Variants in SHANK2 observed in about 807,000 individuals in gnomAD.
SHANK2 encodes the protein SH3 and multiple ankyrin repeat domains 2, also known as SH3 and multiple ankyrin repeat domains protein 2.
SHANK2 carries 43 observed loss-of-function variants against 133.7 expected under a neutral mutation model. That is an observed-to-expected ratio of 0.32 (90% confidence interval 0.25 to 0.41). SHANK2 has a LOEUF of 0.41. Ranked by LOEUF, SHANK2 falls within the 10% of genes least tolerant of loss-of-function variation. The pLI, the probability that SHANK2 is intolerant of heterozygous loss-of-function variation, is 1.00. For missense variants in SHANK2, 1,994 were observed against 2,235.8 expected (o/e 0.89, Z 2.18); for synonymous variants, 1,017 against 952.8 (o/e 1.07, Z -1.24).
At chr11:71,232,963 G>A (rs1211519212) in intron 1 of SHANK2, among the ~76,000 whole-genome samples, 1 of 152,056 alleles carries the variant, frequency 6.6e-6, no homozygotes, top group Non-Finnish European at 1.5e-5. Context: ...TTCAATGAGA[G>A]GCAGCAATTT....
intron 10 of SHANK2, among the ~76,000 whole-genome samples, chr11:70,909,852 G>A (rs1448285978): frequency 6.6e-6 from 1 of 152,238 alleles, no homozygotes; most frequent in Non-Finnish European, 1.5e-5. Flanking sequence ...TGACAACGGG[G>A]TACGCTTGCG....
chr11:70,814,365 C>T (rs1335400921), intron 12 of SHANK2, among the ~76,000 whole-genome samples: 8 of 151,956 alleles, frequency 5.3e-5, no homozygotes, highest in African/African-American at 1.9e-4. Context: ...GGGAGAGCTC[C>T]CAATTCCACA....
chr11:70,499,748 G>T (rs781798705), intron 21 of SHANK2, among the ~76,000 whole-genome samples: 19 of 152,192 alleles, frequency 1.2e-4, no homozygotes, highest in Non-Finnish European at 2.5e-4. Context: ...TAGGATGCTG[G>T]TGCAAGCCCG....
intron 14 of SHANK2, among the ~76,000 whole-genome samples, chr11:70,776,918 C>T (rs1380775461): frequency 6.6e-6 from 1 of 151,908 alleles, no homozygotes; most frequent in Non-Finnish European, 1.5e-5. Context: ...CCCATCTACC[C>T]ACCTAACTAT....
chr11:70,623,571 G>A (rs1473898115), intron 17 of SHANK2, among the ~76,000 whole-genome samples: 2 of 152,158 alleles, frequency 1.3e-5, no homozygotes, highest in African/African-American at 2.4e-5. Flanking sequence ...AAGGAGAGAG[G>A]GGACTGGAAA....
At chr11:71,205,586 T>C (rs1954111686) in intron 2 of SHANK2, among the ~76,000 whole-genome samples, 1 of 152,164 alleles carries the variant, frequency 6.6e-6, no homozygotes, top group African/African-American at 2.4e-5. Flanking sequence ...AGCATTCAAC[T>C]TTGGGAAGTC....
intron 10 of SHANK2, among the ~76,000 whole-genome samples, chr11:70,945,980 C>G (rs1555085301): frequency 6.6e-6 from 1 of 151,756 alleles, no homozygotes; most frequent in African/African-American, 2.4e-5. Flanking sequence ...CAGGCTCTAC[C>G]TCCCTCTCCA....
chr11:71,141,258 C>G (rs1234087903), intron 3 of SHANK2, among the ~76,000 whole-genome samples: 1 of 151,896 alleles, frequency 6.6e-6, no homozygotes, highest in Non-Finnish European at 1.5e-5. Flanking sequence ...TTTGGGAGAT[C>G]GAGGTGGGCA....
At chr11:70,675,747 A>AAAATTTG (rs1217580334) in intron 15 of SHANK2, among the ~76,000 whole-genome samples, 1 of 152,218 alleles carries the variant, frequency 6.6e-6, no homozygotes, top group Non-Finnish European at 1.5e-5. Context: ...TCTGTATCAA[A>AAAATTTG]AAATTTGAAA....
intron 14 of SHANK2, among the ~76,000 whole-genome samples, chr11:70,706,417 T>G (rs1945664606): frequency 6.6e-6 from 1 of 152,108 alleles, no homozygotes; most frequent in African/African-American, 2.4e-5. Flanking sequence ...TGGGGCAAGT[T>G]GGAGATACAG....
intron 14 of SHANK2, among the ~76,000 whole-genome samples, chr11:70,797,570 C>A (rs1213361881): frequency 1.3e-5 from 2 of 152,146 alleles, no homozygotes; most frequent in Non-Finnish European, 2.9e-5. Flanking sequence ...CTGGCCCTGG[C>A]AGATCTGATC....
intron 2 of SHANK2, among the ~76,000 whole-genome samples, chr11:71,167,868 G>A (rs1377286074): frequency 4.1e-5 from 6 of 146,630 alleles, no homozygotes; most frequent in Non-Finnish European, 7.5e-5. Context: ...CAGTAGGGGC[G>A]GCCGGGCAGA....
chr11:71,138,538 C>T (rs11232228), intron 3 of SHANK2, among the ~76,000 whole-genome samples: 36,903 of 151,892 alleles, frequency 0.24, 5,577 homozygotes, highest in East Asian at 0.43. Context: ...CATATCCGGC[C>T]GGGCGCGGTG....
rs115038869 is a variant in SHANK2, at chr11:70,593,538, C to T, written c.2061+66290G>A. Among the ~76,000 whole-genome samples the T allele has an allele frequency of 1.3e-3, 201 of 152,262 alleles. 1 individual carries two copies. Among genetic ancestry groups the T allele is most frequent in the African/African-American group, 4.5e-3 (188 of 41,560 alleles). On this transcript the variant is annotated intron_variant, in intron 17 of 25. Coordinates refer to ENST00000601538, the MANE Select transcript of SHANK2 (RefSeq NM_012309.5). Reference sequence around the variant, plus strand: ...TACCTCGCCTGCCTGCCCCACGGGACGTCTGAGCAGGTGTGTCAGAAAATA... The same window carrying T: ...TACCTCGCCTGCCTGCCCCACGGGATGTCTGAGCAGGTGTGTCAGAAAATA...
At chr11:71,109,459 G>T in intron 6 of SHANK2, among the ~76,000 whole-genome samples, 1 of 152,228 alleles carries the variant, frequency 6.6e-6, no homozygotes, top group Non-Finnish European at 1.5e-5. Context: ...AAGGGCCTGG[G>T]CCATCTTTCC....
At chr11:71,251,771 AC>A (rs1214803594) in intron 1 of SHANK2, among the ~76,000 whole-genome samples, 3 of 149,620 alleles carry the variant, frequency 2.0e-5, no homozygotes, top group African/African-American at 7.4e-5. Flanking sequence ...CCGACCCGCC[AC>A]CCCCGGGCCC....
At position 70,486,532 on chromosome 11, in the gene SHANK2, C is replaced by T. The variant is rs1555153682; in HGVS notation, c.3761G>A (p.Arg1254Gln). 7.4e-6 allele frequency: 12 copies of T among 1,613,996 alleles called. No individual in the cohort carries two copies. Among genetic ancestry groups the T allele is most frequent in the South Asian group, 4.4e-5 (4 of 91,074 alleles). ...NKPLYIDTKM[R>Q]PSLDAGFPTV... is the part of the protein sequence containing the mutation. ...AGGGAAGCCGGCATCCAGGCTGGGC[C>T]GCATTTTGGTATCAATGTAAAGAGG... The change falls in exon 25 of 26, where the codon CGG (arginine) becomes CAG (glutamine). Residue 1254 changes from arginine (R) to glutamine (Q), a missense_variant. This residue lies in a region of SHANK2 where 797 missense variants were observed against 907.4 expected (regional missense o/e 0.88). Transcript: ENST00000601538. The surrounding 1 kb of genome is among the most constrained non-coding windows in gnomAD (Gnocchi z 8.0).
At chr11:71,104,884 T>C (rs1209467667) in intron 6 of SHANK2, among the ~76,000 whole-genome samples, 1 of 152,264 alleles carries the variant, frequency 6.6e-6, no homozygotes, top group Non-Finnish European at 1.5e-5. Flanking sequence ...CCTGTGGGTC[T>C]GCACTTGGCC....
intron 14 of SHANK2, among the ~76,000 whole-genome samples, chr11:70,731,778 C>T (rs1171081977): frequency 6.6e-6 from 1 of 152,174 alleles, no homozygotes; most frequent in Non-Finnish European, 1.5e-5. Flanking sequence ...CTTTCTTGAG[C>T]CCTCAAAACC....
Sources: gnomAD v4.1 joint callset for allele counts (sites outside exome capture counted in the v4.1 genomes callset) on GRCh38, gnomAD v4.1.1 for gene constraint, gnomAD v4.1.1 regional missense constraint, Gnocchi (gnomAD v3.1) non-coding constraint, MANE v1.5 for transcripts, NCBI Gene and HGNC (gene_info 2026-07-23, HGNC 2026-07-21) for gene names.